ATG7: variants seen among roughly 807,000 people sequenced by gnomAD.
The protein encoded by ATG7 is autophagy related 7, also known as ubiquitin-like modifier-activating enzyme ATG7.
A neutral mutation model predicts 82.4 loss-of-function variants in ATG7; 70 were observed. The ratio of observed to expected loss-of-function variants is 0.85; its 90% confidence interval spans 0.70 to 1.04. The LOEUF is 1.04. ATG7 is among the 50% of genes least tolerant of loss of function. The pLI is 0.00. For synonymous variants in ATG7, 287 were observed against 313.0 expected (o/e 0.92, Z 0.88); for missense variants, 792 against 864.3 (o/e 0.92, Z 1.05).
chr3:11,297,491 A>G (rs1946125888), intron 3 of ATG7, among the ~76,000 whole-genome samples: 1 of 152,146 alleles, frequency 6.6e-6, no homozygotes, highest in African/African-American at 2.4e-5. Context: ...AGATTTCTTT[A>G]GTATTGTCCT....
chr3:11,362,208 G>T (rs932028563), intron 16 of ATG7, among the ~76,000 whole-genome samples: 2 of 152,146 alleles, frequency 1.3e-5, no homozygotes, highest in Admixed American at 1.3e-4. Flanking sequence ...CCCAGAGTTG[G>T]ATGGTTAGAC....
At chr3:11,290,296 C>G (rs188832217) in intron 3 of ATG7, 1 of 155,016 alleles carries the variant, frequency 6.5e-6, no homozygotes, top group African/African-American at 2.4e-5. Context: ...CCTAGGCTGC[C>G]TTCATTCAGC....
Position 11,333,089 on chromosome 3 carries a change from C to G in ATG7, c.885C>G (p.Ser295Arg). 2 of 1,550,692 alleles carry G rather than the reference C, an allele frequency of 1.3e-6. No homozygotes were observed. The highest frequency in any genetic ancestry group is 1.7e-6 in the Non-Finnish European group (2 of 1,152,612). The change falls in exon 11 of 21, where the codon AGC (serine) becomes AGG (arginine). Residue 295 changes from serine (S) to arginine (R), a missense_variant. Physicochemically the swap from Ser to Arg is moderately radical, Grantham distance 110. Coordinates refer to ENST00000693202, the MANE Select transcript of ATG7 (RefSeq NM_001349232.2). ...TGAAGCTTCCAGAAATGGCATTTAG[C>G]CCAGGTAATTTGCCGGTCTTTGAAA... ...FEVKLPEMAF[S>R]PDCPKAVGWE...
intron 13 of ATG7, among the ~76,000 whole-genome samples, chr3:11,347,112 G>A (rs905773846): frequency 1.3e-5 from 2 of 152,172 alleles, no homozygotes; most frequent in African/African-American, 2.4e-5. Flanking sequence ...ACTTCATTTG[G>A]TTGCACCTCT....
At chr3:11,558,222 G>A (rs2072617338), downstream of ATG7, 1 of 388,346 alleles carries the variant, frequency 2.6e-6, no homozygotes, top group South Asian at 4.4e-5. Context: ...ATTCATCATG[G>A]CTTGTGACTG....
the ATG7 span, chr3:11,564,986 G>T: frequency 2.0e-6 from 3 of 1,526,908 alleles, no homozygotes; most frequent in African/African-American, 1.4e-5. Flanking sequence ...GCTCCCGGGG[G>T]TCTCTGCGGC....
Position 11,313,291 on chromosome 3 carries a change from CT to C in ATG7, c.412-5del, listed in dbSNP as rs755216792. The C allele has an allele frequency of 1.2e-5, 18 of 1,537,818 alleles. No homozygotes were observed. Among genetic ancestry groups the C allele is most frequent in the Non-Finnish European group, 1.4e-5 (16 of 1,119,166 alleles). ...GTGCTATTCTAATAACTTATTTATA[CT>C]TTTTTTTCTAGGATCTAAAGAAGTA... On this transcript the variant is annotated splice_polypyrimidine_tract_variant and intron_variant, in intron 7 of 20. Transcript: ENST00000693202.
chr3:11,372,831 T>TGCGTGTGCGTGC (rs1559490419), intron 18 of ATG7, among the ~76,000 whole-genome samples: 2 of 116,148 alleles, frequency 1.7e-5, no homozygotes, highest in East Asian at 4.8e-4. Context: ...CGTGTGCGTG[T>TGCGTGTGCGTGC]GTGTGCGTGC....
At chr3:11,438,728 TG>T (rs1429581096) in intron 20 of ATG7, among the ~76,000 whole-genome samples, 4 of 152,136 alleles carry the variant, frequency 2.6e-5, no homozygotes, top group African/African-American at 9.7e-5. Context: ...GTGCATTTGC[TG>T]GGTAGGAGAG....
intron 2 of ATG7, among the ~76,000 whole-genome samples, chr3:11,281,788 A>AAAC (rs1943096274): frequency 6.6e-6 from 1 of 151,982 alleles, no homozygotes; most frequent in South Asian, 2.1e-4. Context: ...AAAAAAAAAA[A>AAAC]AAAGAGAAAA....
intron 18 of ATG7, among the ~76,000 whole-genome samples, chr3:11,366,290 G>A (rs1272492019): frequency 6.7e-6 from 1 of 149,692 alleles, no homozygotes; most frequent in Non-Finnish European, 1.5e-5. Flanking sequence ...TCCAAATCAA[G>A]AAAAGCAGGT....
chr3:11,410,330 A>AT (rs371850503), intron 19 of ATG7, among the ~76,000 whole-genome samples: 85 of 151,502 alleles, frequency 5.6e-4, no homozygotes, highest in African/African-American at 1.1e-3. Flanking sequence ...ATGATATTGT[A>AT]TTTTTTTTTA....
chr3:11,546,492 T>A (rs1404430588), intron 20 of ATG7, among the ~76,000 whole-genome samples: 1 of 152,218 alleles, frequency 6.6e-6, no homozygotes, highest in African/African-American at 2.4e-5. Flanking sequence ...TGTTTACATT[T>A]AACAAATGAA....
chr3:11,369,663 G>A (rs2076864058), intron 18 of ATG7, among the ~76,000 whole-genome samples: 1 of 151,216 alleles, frequency 6.6e-6, no homozygotes, highest in Non-Finnish European at 1.5e-5. Context: ...GGCTTCCTCT[G>A]TGAGGTCCCA....
intron 3 of ATG7, chr3:11,290,562 GGT>G (rs141702021): frequency 0.024 from 8,539 of 358,982 alleles, 214 homozygotes; most frequent in African/African-American, 0.073. Flanking sequence ...GTCACTGCCT[GGT>G]ACTTCCAGCC....
chr3:11,346,874 C>G (rs964034875), intron 13 of ATG7, among the ~76,000 whole-genome samples: 1 of 152,238 alleles, frequency 6.6e-6, no homozygotes, highest in Non-Finnish European at 1.5e-5. Flanking sequence ...AAGGCAGATT[C>G]TGGCCTGTCG....
At chr3:11,412,379 A>G (rs1025656832) in intron 19 of ATG7, among the ~76,000 whole-genome samples, 1 of 152,114 alleles carries the variant, frequency 6.6e-6, no homozygotes, top group African/African-American at 2.4e-5. Flanking sequence ...GTTTATCCAA[A>G]AACAACTATC....
chr3:11,273,637 A>G (rs2152608518), intron 1 of ATG7, among the ~76,000 whole-genome samples: 1 of 152,370 alleles, frequency 6.6e-6, no homozygotes, highest in South Asian at 2.1e-4. Flanking sequence ...ATATATGCTC[A>G]ATAAATATTT....
At chr3:11,553,443 G>C (rs2072026894) in intron 20 of ATG7, among the ~76,000 whole-genome samples, 1 of 152,164 alleles carries the variant, frequency 6.6e-6, no homozygotes, top group Non-Finnish European at 1.5e-5. Context: ...CAGGGGCTCA[G>C]TTTCTTCCAC....
Sources: gnomAD v4.1 joint callset for allele counts (sites outside exome capture counted in the v4.1 genomes callset) on GRCh38, gnomAD v4.1.1 for gene constraint, MANE v1.5 for transcripts, NCBI Gene and HGNC (gene_info 2026-07-23, HGNC 2026-07-21) for gene names.